Variants in METTL25 observed in about 807,000 individuals in gnomAD.
METTL25 encodes probable methyltransferase-like protein 25.
A neutral mutation model predicts 71.6 loss-of-function variants in METTL25; 64 were observed. The ratio of observed to expected loss-of-function variants is 0.89; its 90% CI spans 0.73 to 1.10. The LOEUF is 1.10. Ranked by LOEUF, METTL25 falls within the 50% of genes least tolerant of loss-of-function variation. METTL25 has a pLI of 0.00. For missense variants in METTL25, 807 were observed against 707.0 expected, an observed-to-expected ratio of 1.14 and a Z score of -1.60; for synonymous variants, 287 against 250.3, an observed-to-expected ratio of 1.15 and a Z score of -1.38.
rs1286180100 is a variant in METTL25 at position 82,477,209 on chromosome 12, A to G, written c.1648-72A>G. The stretch of plus-strand genomic sequence containing the variant: ...TCTGTAGATACATTTATTTAAACAT[A>G]AGTTTAAGGAAATAAGCTAGTCTTT... On this transcript the variant is annotated intron_variant, in intron 10 of 11. Transcript: ENST00000248306. 13 of 663,964 alleles carry G rather than the reference A, an allele frequency of 2.0e-5. No individual in the cohort carries two copies. The African/African-American group carries it at 2.2e-4, about 11-fold the overall frequency. 41.1% of individuals were successfully genotyped at this position (663,964 alleles called of 1,614,324 possible).
At chr12:82,395,606 T>G (rs1392164887) in intron 3 of METTL25, among the ~76,000 whole-genome samples, 1 of 152,080 alleles carries the variant, frequency 6.6e-6, no homozygotes, top group African/African-American at 2.4e-5. Flanking sequence ...GCAAAATGTA[T>G]CTTTACTATC....
At chr12:82,409,689 C>T (rs1887399562) in intron 5 of METTL25, among the ~76,000 whole-genome samples, 2 of 152,060 alleles carry the variant, frequency 1.3e-5, no homozygotes, top group African/African-American at 4.8e-5. Context: ...TGTTAGTGCA[C>T]TCCACATTTG....
In METTL25 at chr12:82,358,577, T is replaced by C. The variant is rs763398870; in HGVS notation, c.12T>C (p.Ser4=). ...GGAGGGTGAGCGTCATGGCGGCTTC[T>C]TGCCCTCTCCCGGTGACCCCGGACC... is the stretch of plus-strand genomic sequence containing the variant. The part of the protein sequence containing the change: MAA[S]CPLPVTPDLP... The change falls in exon 1 of 12, where the codon TCT becomes TCC. Residue 4 remains serine, a synonymous_variant. Coordinates refer to ENST00000248306, the MANE Select transcript of METTL25 (RefSeq NM_032230.3). 6 of 1,611,270 alleles carry C rather than the reference T, an allele frequency of 3.7e-6. No homozygotes were observed. In the East Asian group the frequency reaches 6.7e-5, roughly 18 times the overall value.
At chr12:82,427,774 C>T (rs1293611128) in intron 5 of METTL25, among the ~76,000 whole-genome samples, 1 of 148,566 alleles carries the variant, frequency 6.7e-6, no homozygotes, top group Non-Finnish European at 1.5e-5. Flanking sequence ...TGACCACAAT[C>T]ATCATCTGTT....
intron 8 of METTL25, among the ~76,000 whole-genome samples, chr12:82,454,592 T>C (rs1209770493): frequency 2.0e-5 from 3 of 152,000 alleles, no homozygotes; most frequent in Non-Finnish European, 4.4e-5. Context: ...AGCAATCTTA[T>C]AATAACCATA....
chr12:82,435,929 G>A lies in METTL25; in HGVS notation c.1404+1205G>A, dbSNP rs577006931. 3.6e-4 allele frequency among the ~76,000 whole-genome samples: 54 copies of A among 151,442 alleles called. 1 individual carries two copies. In the South Asian group the frequency reaches 0.011, roughly 31 times the overall value. ...GATAATAAATACATAGTACTATATA[G>A]TATGTACTCTTACTATCCCATGATA... On this transcript the variant is annotated intron_variant, in intron 7 of 11. Coordinates refer to ENST00000248306, the MANE Select transcript of METTL25 (RefSeq NM_032230.3).
Position 82,430,950 on chromosome 12 carries a change from G to T in METTL25, c.1337G>T (p.Trp446Leu), listed in dbSNP as rs76974407. Reference sequence around the variant, plus strand: ...TGCCACTATTTAAAGGAAGAGAGATGGTGCTGTGGTCGTAATGCCAGAATG... The same window carrying T: ...TGCCACTATTTAAAGGAAGAGAGATTGTGCTGTGGTCGTAATGCCAGAATG... ...PMCHYLKEER[W>L]CCGRNARMSA... Residue 446 changes from tryptophan (W) to leucine (L), a missense_variant, in exon 6 of 12, where the codon TGG becomes TTG. Trp to Leu is a moderately conservative substitution (Grantham distance 61). Coordinates refer to ENST00000248306, the MANE Select transcript of METTL25 (RefSeq NM_032230.3). 3.4e-3 allele frequency: 5,382 copies of T among 1,600,434 alleles called. 176 individuals are homozygous for T. In the African/African-American group the frequency reaches 0.064, roughly 19 times the overall value.
intron 8 of METTL25, among the ~76,000 whole-genome samples, chr12:82,448,590 T>C (rs991880116): frequency 1.3e-5 from 2 of 152,080 alleles, no homozygotes; most frequent in South Asian, 2.1e-4. Flanking sequence ...ACAAAAAATA[T>C]ATATAGTATT....
intron 5 of METTL25, among the ~76,000 whole-genome samples, chr12:82,409,655 T>C (rs1887397286): frequency 6.6e-6 from 1 of 152,080 alleles, no homozygotes. Context: ...CCCAGCCTAG[T>C]AGACCCAGGG....
intron 1 of METTL25, among the ~76,000 whole-genome samples, chr12:82,384,735 T>C (rs1231405575): frequency 6.6e-6 from 1 of 152,188 alleles, no homozygotes; most frequent in Non-Finnish European, 1.5e-5. Flanking sequence ...TGGATTTTTT[T>C]CAAGTTTTTT....
At chr12:82,450,725 T>TA (rs754510508) in intron 8 of METTL25, among the ~76,000 whole-genome samples, 5 of 152,164 alleles carry the variant, frequency 3.3e-5, no homozygotes, top group Non-Finnish European at 5.9e-5. Flanking sequence ...CTGTGCCAGA[T>TA]ACGCTAATTT....
intron 11 of METTL25, 134 bp from the exon 12 acceptor site, chr12:82,478,797 TA>T (rs143146091): frequency 0.038 from 25,297 of 667,554 alleles, 560 homozygotes; most frequent in Middle Eastern, 0.048. Flanking sequence ...TAATTTTGTT[TA>T]ACAAAGCATA....
At chr12:82,369,458 A>T in intron 1 of METTL25, 1 of 450,698 alleles carries the variant, frequency 2.2e-6, no homozygotes, top group South Asian at 1.6e-5. Context: ...GCTCTTAAAG[A>T]TGGTGTGTCC....
chr12:82,412,875 A>C (rs981401329), intron 5 of METTL25, among the ~76,000 whole-genome samples: 2 of 152,002 alleles, frequency 1.3e-5, no homozygotes, highest in Admixed American at 1.3e-4. Flanking sequence ...GTTGAAGAGG[A>C]AATATTTTAC....
chr12:82,367,116 TC>T (rs912456432), intron 1 of METTL25, among the ~76,000 whole-genome samples: 22 of 152,314 alleles, frequency 1.4e-4, no homozygotes, highest in African/African-American at 4.6e-4. Flanking sequence ...CTTTCCCCTT[TC>T]CCCATATCTT....
chr12:82,380,129 G>A (rs1884284905), intron 1 of METTL25, among the ~76,000 whole-genome samples: 1 of 152,112 alleles, frequency 6.6e-6, no homozygotes, highest in African/African-American at 2.4e-5. Context: ...CTGCGTGTTA[G>A]GAATATATAT....
At chr12:82,364,612 T>C (rs1882348338) in intron 1 of METTL25, among the ~76,000 whole-genome samples, 2 of 152,164 alleles carry the variant, frequency 1.3e-5, no homozygotes, top group South Asian at 2.1e-4. Context: ...TTTTTAAAAG[T>C]AGGGATAATA....
At chr12:82,451,126 CTT>C (rs1319275330) in intron 8 of METTL25, among the ~76,000 whole-genome samples, 2 of 152,090 alleles carry the variant, frequency 1.3e-5, no homozygotes, top group Non-Finnish European at 2.9e-5. Flanking sequence ...ATAAATCAGA[CTT>C]TGATTATTCT....
At chr12:82,365,558 G>C (rs2136817473) in intron 1 of METTL25, among the ~76,000 whole-genome samples, 1 of 152,288 alleles carries the variant, frequency 6.6e-6, no homozygotes, top group Middle Eastern at 3.4e-3. Context: ...AAACCAGACT[G>C]TGTTCTTGGG....
Sources: allele counts gnomAD v4.1 joint callset (sites outside exome capture counted in the v4.1 genomes callset), GRCh38; gene constraint gnomAD v4.1.1; transcripts MANE v1.5; gene names NCBI Gene and HGNC (gene_info 2026-07-23, HGNC 2026-07-21).